The following EML4 variants were observed in gnomAD, a reference collection of about 807,000 sequenced individuals.
EML4 encodes the protein EMAP like 4, also known as echinoderm microtubule-associated protein-like 4.
A neutral mutation model predicts 129.0 loss-of-function variants in EML4; 72 were observed. That is an observed-to-expected ratio of 0.56 (90% CI 0.46 to 0.68). The LOEUF is 0.68. Among genes scored for constraint, EML4 ranks in the 30% least tolerant of loss-of-function variants. EML4 has a pLI of 0.00. For synonymous variants in EML4, 532 were observed against 405.0 expected, an observed-to-expected ratio of 1.31 and a Z score of -3.77; for missense variants, 1,363 against 1,190.6, an observed-to-expected ratio of 1.14 and a Z score of -2.13.
intron 2 of EML4, 86 bp from the exon 3 acceptor site, chr2:42,256,415 C>T: frequency 2.2e-6 from 3 of 1,363,726 alleles, no homozygotes; most frequent in South Asian, 1.5e-5. Context: ...ACCACCCCCT[C>T]CTTCCAAATG....
intron 17 of EML4, 24 bp from the exon 18 acceptor site, chr2:42,315,914 TATAAATGCTAATATCTGAAGAAAA>T: frequency 6.5e-6 from 9 of 1,380,160 alleles, no homozygotes; most frequent in South Asian, 2.5e-5. Flanking sequence ...TTTTTTTTTC[TATAAATGCTAATATCTGAAGAAAA>T]TTTTGATTTT....
At chr2:42,317,568 T>C in intron 19 of EML4, 44 bp downstream of exon 19, 2 of 1,410,344 alleles carry the variant, frequency 1.4e-6, no homozygotes, top group South Asian at 1.2e-5. Flanking sequence ...TTGGGAAATT[T>C]TACTTCCGTT....
At position 42,284,622 on chromosome 2, in the gene EML4, A is replaced by G. The variant is rs934584643; in HGVS notation, c.942-12A>G. On this transcript the variant is annotated splice_polypyrimidine_tract_variant and intron_variant, in intron 8 of 22. Coordinates refer to ENST00000318522, the MANE Select transcript of EML4 (RefSeq NM_019063.5). ...TCCTGTGTTTAAAATCATTCTTAAT[A>G]CTGCTTTTTAGCCTTGCTATACATC... 2.5e-6 allele frequency: 4 copies of G among 1,602,260 alleles called. No homozygotes were observed. Among genetic ancestry groups the G allele is most frequent in the Non-Finnish European group, 2.6e-6 (3 of 1,171,422 alleles).
chr2:42,245,059 GATGTT>G lies in EML4; in HGVS notation c.26-442_26-438del, dbSNP rs147399262. On this transcript the variant is annotated intron_variant, in intron 1 of 22. Transcript: ENST00000318522. ...AAGTTAATATGTGTCAACATGATGA[GATGTT>G]ATGGAGTTTTTTGTTTTGAAATTTT... is the stretch of plus-strand genomic sequence containing the variant. 6.5e-3 allele frequency among the ~76,000 whole-genome samples: 840 copies of G among 130,140 alleles called. 8 individuals carry two copies. The highest frequency in any genetic ancestry group is 0.024 in the African/African-American group (798 of 33,048). 85.4% of individuals were successfully genotyped at this position (130,140 alleles called of 152,430 possible). A position where few individuals can be genotyped will look rare whatever the true frequency, so the allele number is the denominator to read the frequency against.
At chr2:42,253,574 TAAACTC>T (rs1266062052) in intron 2 of EML4, among the ~76,000 whole-genome samples, 13 of 152,286 alleles carry the variant, frequency 8.5e-5, no homozygotes, top group African/African-American at 3.1e-4. Flanking sequence ...AGACTCGAGA[TAAACTC>T]AACATAATCC....
At position 42,304,650 on chromosome 2, in the gene EML4, T is replaced by C. The variant is rs1227296033; in HGVS notation, c.1967+99T>C. On this transcript the variant is annotated intron_variant, in intron 17 of 22. Transcript: ENST00000318522. ...TGATCTGGAGAATTAATCTCTTAAG[T>C]GGCACACTAATATGCTTGTTGTTCT... The C allele has an allele frequency of 2.0e-5, 18 of 904,178 alleles. No individual in the cohort carries two copies. The East Asian group carries it at 3.9e-4, about 19-fold the overall frequency. 56.0% of individuals were successfully genotyped at this position (904,178 alleles called of 1,614,324 possible). A position where few individuals can be genotyped will look rare whatever the true frequency, so the allele number is the denominator to read the frequency against.
rs10530482 is a variant in EML4 at position 42,325,602 on chromosome 2, T to TTATATATATATATATATATATA, written c.2242+64_2242+85dup. ...ATATATATATATGCTATGATTATAT[T>TTATATATATATATATATATATA]TATATATATATATATATATATATAT... On this transcript the variant is annotated intron_variant, in intron 20 of 22. Coordinates refer to ENST00000318522, the MANE Select transcript of EML4 (RefSeq NM_019063.5). The TTATATATATATATATATATATA allele has an allele frequency of 2.0e-3, 257 of 129,118 alleles. 4 individuals are homozygous for TTATATATATATATATATATATA. The highest frequency in any genetic ancestry group is 3.9e-3 in the Admixed American group (27 of 6,916). 8.0% of individuals were successfully genotyped at this position (129,118 alleles called of 1,614,324 possible). A position where few individuals can be genotyped will look rare whatever the true frequency, so the allele number is the denominator to read the frequency against.
At chr2:42,238,644 G>A (rs980432425) in intron 1 of EML4, among the ~76,000 whole-genome samples, 10 of 151,754 alleles carry the variant, frequency 6.6e-5, no homozygotes, top group African/African-American at 2.2e-4. Flanking sequence ...TGGCAATAGG[G>A]TCTTACTCTT....
chr2:42,214,708 A>G (rs973737029), intron 1 of EML4, among the ~76,000 whole-genome samples: 3 of 152,226 alleles, frequency 2.0e-5, no homozygotes, highest in South Asian at 2.1e-4. Flanking sequence ...TACCTTTTGC[A>G]TGTCTGGTGC....
chr2:42,196,628 G>T (rs1161829762), intron 1 of EML4, among the ~76,000 whole-genome samples: 1 of 152,186 alleles, frequency 6.6e-6, no homozygotes, highest in Non-Finnish European at 1.5e-5. Flanking sequence ...TATGTATCTA[G>T]TTATCAGCGA....
chr2:42,305,895 A>G (rs1474445225), intron 17 of EML4, among the ~76,000 whole-genome samples: 2 of 152,256 alleles, frequency 1.3e-5, no homozygotes, highest in East Asian at 1.9e-4. Flanking sequence ...GGGTTTTTTT[A>G]TAGCGATTTT....
At chr2:42,255,202 C>T (rs991447590) in intron 2 of EML4, among the ~76,000 whole-genome samples, 1 of 152,100 alleles carries the variant, frequency 6.6e-6, no homozygotes, top group Non-Finnish European at 1.5e-5. Context: ...TCTCCTGCCT[C>T]AGCCTCCCAA....
intron 1 of EML4, among the ~76,000 whole-genome samples, chr2:42,228,387 C>T (rs1674113217): frequency 1.3e-5 from 2 of 152,118 alleles, no homozygotes; most frequent in South Asian, 4.1e-4. Context: ...GCTGATATAG[C>T]TTGTGGTTGA....
At chr2:42,320,967 GA>G (rs1669485397) in intron 19 of EML4, among the ~76,000 whole-genome samples, 1 of 151,986 alleles carries the variant, frequency 6.6e-6, no homozygotes, top group African/African-American at 2.4e-5. Context: ...ACATCAAAAA[GA>G]GGGGGAAAAA....
chr2:42,232,832 C>T (rs1674430057), intron 1 of EML4, among the ~76,000 whole-genome samples: 1 of 152,134 alleles, frequency 6.6e-6, no homozygotes, highest in Non-Finnish European at 1.5e-5. Flanking sequence ...TCATGCCATT[C>T]TCCTGCCTCA....
intron 1 of EML4, among the ~76,000 whole-genome samples, chr2:42,188,221 A>C (rs552810029): frequency 3.3e-5 from 5 of 152,314 alleles, no homozygotes; most frequent in African/African-American, 7.2e-5. Flanking sequence ...ACCTTGTCTT[A>C]ATTACTATAG....
At chr2:42,313,836 C>T (rs1045979711) in intron 17 of EML4, among the ~76,000 whole-genome samples, 2 of 151,184 alleles carry the variant, frequency 1.3e-5, no homozygotes, top group African/African-American at 2.4e-5. Flanking sequence ...GGCTGAGACA[C>T]GAGAATCGCT....
At chr2:42,271,759 G>A (rs1386614365) in intron 6 of EML4, among the ~76,000 whole-genome samples, 4 of 152,060 alleles carry the variant, frequency 2.6e-5, no homozygotes, top group African/African-American at 7.3e-5. Context: ...AAATTTTTCA[G>A]TCTTCAAGTC....
Position 42,328,052 on chromosome 2 carries a change from A to G in EML4, c.2342-834A>G, listed in dbSNP as rs540878119. ...TAAACAATTTCATTATTCTACGTGA[A>G]AATGAAGCAGTGACCCATAGCTGGT... On this transcript the variant is annotated intron_variant, in intron 21 of 22. Transcript: ENST00000318522. Among the ~76,000 whole-genome samples, 6 of 152,240 alleles carry G rather than the reference A, an allele frequency of 3.9e-5. 1 individual carries two copies. Among genetic ancestry groups the G allele is most frequent in the Admixed American group, 2.0e-4 (3 of 15,282 alleles).
Sources: gnomAD v4.1 joint callset for allele counts (sites outside exome capture counted in the v4.1 genomes callset) on GRCh38, gnomAD v4.1.1 for gene constraint, MANE v1.5 for transcripts, NCBI Gene and HGNC (gene_info 2026-07-23, HGNC 2026-07-21) for gene names.